The following CSMD2 variants were observed in gnomAD, a reference collection of about 807,000 sequenced individuals.
The protein encoded by CSMD2 is CUB and sushi domain-containing protein 2.
Under a neutral mutation model 398.5 loss-of-function variants are expected in CSMD2, and 130 were observed. That is an observed-to-expected ratio of 0.33 (90% CI 0.28 to 0.38). The LOEUF (loss-of-function observed/expected upper bound fraction) is 0.38, where lower values mean the gene tolerates loss of function less well. CSMD2 is among the 10% of genes least tolerant of loss of function. CSMD2 has a pLI of 1.00. For missense variants in CSMD2, 3,829 were observed against 4,764.9 expected, an observed-to-expected ratio of 0.80 and a Z score of 5.78; for synonymous variants, 1,828 against 1,908.5, an observed-to-expected ratio of 0.96 and a Z score of 1.10.
At chr1:33,863,908 T>G (rs1170645977) in intron 5 of CSMD2, 1 of 345,058 alleles carries the variant, frequency 2.9e-6, no homozygotes, top group African/African-American at 2.1e-5. Flanking sequence ...TCATCTTTCA[T>G]GAGAGGCAAA....
At position 33,999,075 on chromosome 1, in the gene CSMD2, T is replaced by A. The variant is rs144620879; in HGVS notation, c.517+33519A>T. On this transcript the variant is annotated intron_variant, in intron 3 of 70. Coordinates refer to ENST00000373381, the MANE Select transcript of CSMD2 (RefSeq NM_001281956.2). Reference sequence around the variant, plus strand: ...TCCTTCTGGTTTGAGTGGCCCCAGATGTTCCACTTTCCCCTAACAGCCCAT... The same window carrying A: ...TCCTTCTGGTTTGAGTGGCCCCAGAAGTTCCACTTTCCCCTAACAGCCCAT... Among the ~76,000 whole-genome samples, 16 of 152,314 alleles carry A rather than the reference T, an allele frequency of 1.1e-4. No individual in the cohort carries two copies. The East Asian group carries it at 3.1e-3, about 29-fold the overall frequency.
intron 40 of CSMD2, among the ~76,000 whole-genome samples, 187 bp downstream of exon 40, chr1:33,614,317 T>A (rs1641243448): frequency 6.6e-6 from 1 of 152,194 alleles, no homozygotes; most frequent in Non-Finnish European, 1.5e-5. Flanking sequence ...CCCCCCTATA[T>A]GTTAATCTCT....
At chr1:34,145,647 T>C (rs1456736711) in intron 1 of CSMD2, among the ~76,000 whole-genome samples, 1 of 152,170 alleles carries the variant, frequency 6.6e-6, no homozygotes, top group Non-Finnish European at 1.5e-5. Context: ...ACAAGACTCT[T>C]GGGAGGAACT....
intron 4 of CSMD2, among the ~76,000 whole-genome samples, chr1:33,919,767 GCA>G (rs542148620): frequency 6.5e-4 from 99 of 152,328 alleles, no homozygotes; most frequent in South Asian, 5.6e-3. Flanking sequence ...CGCAGTGATA[GCA>G]CATAGTTAGG....
chr1:33,930,994 C>T (rs1012836914), intron 4 of CSMD2, among the ~76,000 whole-genome samples: 2 of 152,266 alleles, frequency 1.3e-5, no homozygotes, highest in Non-Finnish European at 2.9e-5. Context: ...AAAACAGACA[C>T]ACACGGCTTT....
chr1:33,639,923 G>A (rs752308570), intron 29 of CSMD2, among the ~76,000 whole-genome samples: 1 of 152,146 alleles, frequency 6.6e-6, no homozygotes, highest in African/African-American at 2.4e-5. Flanking sequence ...AGGCAGGGCC[G>A]GTTATGCTCA....
chr1:33,957,248 A>G (rs775663649), intron 3 of CSMD2, among the ~76,000 whole-genome samples: 2 of 152,122 alleles, frequency 1.3e-5, no homozygotes, highest in Non-Finnish European at 2.9e-5. Context: ...TGACTCATTC[A>G]TTAGTATAGA....
intron 12 of CSMD2, among the ~76,000 whole-genome samples, chr1:33,783,469 CT>C (rs1653086172): frequency 1.6e-5 from 2 of 121,778 alleles, no homozygotes; most frequent in Admixed American, 8.3e-5. Context: ...CTCTCTCTCT[CT>C]CTCTCCTGTG....
In CSMD2 at chr1:34,164,616, C is replaced by T. The variant is rs1641697068; in HGVS notation, c.187+295G>A. Among the ~76,000 whole-genome samples the T allele has an allele frequency of 6.6e-6, 1 of 152,080 alleles. No individual in the cohort carries two copies. The highest frequency in any genetic ancestry group is 2.1e-4 in the South Asian group (1 of 4,828). ...GAAACTGAAGCCACAGACCAGGTGC[C>T]CCGCAACCCCGGGCGGGGATGTCTG... On this transcript the variant is annotated intron_variant, in intron 1 of 70. Transcript: ENST00000373381. The surrounding 1 kb of genome is among the most constrained non-coding windows in gnomAD (Gnocchi z 6.2).
intron 2 of CSMD2, among the ~76,000 whole-genome samples, chr1:34,052,541 AAG>A (rs1258020333): frequency 7.1e-6 from 1 of 140,440 alleles, no homozygotes; most frequent in African/African-American, 2.8e-5. Flanking sequence ...AAGAAAGAGA[AAG>A]AGGAGAGAGA....
Position 33,533,134 on chromosome 1 carries a change from C to T in CSMD2, c.10087G>A (p.Glu3363Lys). The T allele has an allele frequency of 6.2e-7, 1 of 1,614,078 alleles. No individual in the cohort carries two copies. The highest frequency in any genetic ancestry group is 8.5e-7 in the Non-Finnish European group (1 of 1,180,014). The stretch of plus-strand genomic sequence containing the variant: ...GAGCCACCCTTGAGGGAGAAGCCCT[C>T]CTGGCAGGAGTAGATGAGCGTGTAG... The part of the protein sequence containing the change: ...MGYTLIYSCQ[E>K]GFSLKGGSEH... Residue 3363 changes from glutamate to lysine, a missense_variant, in exon 64 of 71, where the codon GAG becomes AAG. This residue lies in a region of CSMD2 where 917 missense variants were observed against 1,199.5 expected (regional missense o/e 0.76). Transcript: ENST00000373381. The surrounding 1 kb of genome is among the most constrained non-coding windows in gnomAD (Gnocchi z 4.2).
intron 10 of CSMD2, among the ~76,000 whole-genome samples, chr1:33,798,651 G>A (rs761323936): frequency 2.0e-4 from 31 of 152,214 alleles, no homozygotes; most frequent in Non-Finnish European, 4.1e-4. Context: ...TGGTCAAGTC[G>A]ATGGGAAGCT....
At chr1:33,780,896 C>T (rs1025683745) in intron 12 of CSMD2, among the ~76,000 whole-genome samples, 2 of 152,168 alleles carry the variant, frequency 1.3e-5, no homozygotes. Context: ...GGGGAAAAGA[C>T]AAGAAATAGA....
chr1:33,556,970 C>T (rs1327621504), intron 55 of CSMD2, among the ~76,000 whole-genome samples: 1 of 152,182 alleles, frequency 6.6e-6, no homozygotes, highest in Non-Finnish European at 1.5e-5. Flanking sequence ...ATAAATTACC[C>T]AGTCTTGGGC....
intron 13 of CSMD2, among the ~76,000 whole-genome samples, chr1:33,753,071 C>T (rs924058745): frequency 2.0e-5 from 3 of 152,168 alleles, no homozygotes; most frequent in African/African-American, 7.2e-5. Flanking sequence ...AAGAAAAGCA[C>T]AAAAGTTTGG....
chr1:34,011,590 AT>A (rs1247429286), intron 3 of CSMD2, among the ~76,000 whole-genome samples: 3 of 151,820 alleles, frequency 2.0e-5, no homozygotes, highest in Non-Finnish European at 4.4e-5. Context: ...TTAATTTTTA[AT>A]TTTTGTTGAG....
intron 1 of CSMD2, among the ~76,000 whole-genome samples, chr1:34,147,619 G>C (rs1441454841): frequency 2.1e-5 from 3 of 140,192 alleles, no homozygotes; most frequent in East Asian, 4.3e-4. Context: ...GGAAAGGAGA[G>C]AGACGGGGTG....
At chr1:33,831,167 A>C (rs1659504586) in intron 6 of CSMD2, among the ~76,000 whole-genome samples, 1 of 152,028 alleles carries the variant, frequency 6.6e-6, no homozygotes, top group South Asian at 2.1e-4. Context: ...AGAACGCCAC[A>C]AAGATACTCC....
chr1:33,739,093 C>A (rs755195696), intron 15 of CSMD2, 47 bp downstream of exon 15: 27 of 1,568,546 alleles, frequency 1.7e-5, no homozygotes, highest in Non-Finnish European at 2.2e-5. Flanking sequence ...CCCTCCCCAG[C>A]CTCTCTGGCT....
Sources: allele counts gnomAD v4.1 joint callset (sites outside exome capture counted in the v4.1 genomes callset), GRCh38; gene constraint gnomAD v4.1.1; regional missense constraint gnomAD v4.1.1; non-coding constraint Gnocchi (gnomAD v3.1); transcripts MANE v1.5; gene names NCBI Gene and HGNC (gene_info 2026-07-23, HGNC 2026-07-21).